Variants in ZMYND11 observed in about 807,000 individuals in gnomAD.
The protein encoded by ZMYND11 is zinc finger MYND-type containing 11, also known as zinc finger MYND domain-containing protein 11.
Under a neutral mutation model 84.9 loss-of-function variants are expected in ZMYND11, and 9 were observed. The observed-to-expected ratio is 0.11, with a 90% CI of 0.06 to 0.18. ZMYND11 has a LOEUF of 0.18. Ranked by LOEUF, ZMYND11 falls within the 10% of genes least tolerant of loss-of-function variation. The probability of loss-of-function intolerance (pLI) is 1.00; values close to 1 mark genes in which losing one functional copy is unlikely to be tolerated. For synonymous variants in ZMYND11, 250 were observed against 244.1 expected, an observed-to-expected ratio of 1.02 and a Z score of -0.23; for missense variants, 409 against 761.0, an observed-to-expected ratio of 0.54 and a Z score of 5.44.
chr10:229,548 G>A (rs991402231), intron 4 of ZMYND11, among the ~76,000 whole-genome samples: 3 of 152,172 alleles, frequency 2.0e-5, no homozygotes, highest in African/African-American at 7.2e-5. Context: ...AATGTGATTC[G>A]TTCCATAGGC....
At chr10:189,459 T>C (rs1939718140) in intron 2 of ZMYND11, among the ~76,000 whole-genome samples, 1 of 152,252 alleles carries the variant, frequency 6.6e-6, no homozygotes. Context: ...TTATACTGTT[T>C]ATGTAATCCC....
chr10:151,749 G>A (rs994252366), intron 1 of ZMYND11, among the ~76,000 whole-genome samples: 4 of 152,156 alleles, frequency 2.6e-5, no homozygotes, highest in Admixed American at 6.5e-5. Context: ...GAGCAACTCC[G>A]AGACACATAA....
chr10:214,940 A>G (rs1432042643), intron 3 of ZMYND11, among the ~76,000 whole-genome samples: 1 of 152,240 alleles, frequency 6.6e-6, no homozygotes, highest in Non-Finnish European at 1.5e-5. Context: ...AAGCAATAAG[A>G]TACTCACTAA....
intron 2 of ZMYND11, among the ~76,000 whole-genome samples, chr10:189,098 C>CTT (rs1939598023): frequency 6.6e-6 from 1 of 152,218 alleles, no homozygotes; most frequent in Non-Finnish European, 1.5e-5. Flanking sequence ...GCGTTGCTTA[C>CTT]TTTACGGTCA....
intron 2 of ZMYND11, among the ~76,000 whole-genome samples, chr10:196,897 C>T (rs1941882561): frequency 2.0e-5 from 3 of 152,184 alleles, no homozygotes; most frequent in Admixed American, 2.0e-4. Context: ...ATGCAACAGT[C>T]CAGGAAGCAC....
intron 2 of ZMYND11, among the ~76,000 whole-genome samples, chr10:202,771 T>C (rs937208021): frequency 6.6e-6 from 1 of 152,184 alleles, no homozygotes; most frequent in African/African-American, 2.4e-5. Flanking sequence ...GACCAGAATG[T>C]ATTGTTTTCA....
intron 1 of ZMYND11, among the ~76,000 whole-genome samples, chr10:153,638 T>C (rs1179383197): frequency 6.6e-6 from 1 of 152,232 alleles, no homozygotes; most frequent in Non-Finnish European, 1.5e-5. Flanking sequence ...GATTACATAC[T>C]TTATTATATT....
Position 240,960 on chromosome 10 carries a change from G to C in ZMYND11, c.821G>C (p.Cys274Ser). ...LSNARPDNWFCYPCIPNHELV... is the reference protein window; with the variant it reads ...LSNARPDNWFSYPCIPNHELV... ...AATGCTCGTCCTGACAACTGGTTCT[G>C]TTATCCTTGTGTATGTGAAATTTTT... The change falls in exon 9 of 15, where the codon TGT (cysteine) becomes TCT (serine). Residue 274 changes from cysteine (C) to serine (S), a missense_variant. Cys to Ser is a moderately radical substitution (Grantham distance 112, BLOSUM62 -1). Transcript: ENST00000381604. The C allele has an allele frequency of 6.2e-7, 1 of 1,613,624 alleles. No individual in the cohort carries two copies. The highest frequency in any genetic ancestry group is 8.5e-7 in the Non-Finnish European group (1 of 1,179,842).
At chr10:240,280 C>T (rs778182808) in intron 8 of ZMYND11, among the ~76,000 whole-genome samples, 169 bp downstream of exon 8, 5 of 152,196 alleles carry the variant, frequency 3.3e-5, no homozygotes, top group Middle Eastern at 3.4e-3. Flanking sequence ...CCAAGTTGGG[C>T]GGATCACGAG....
intron 2 of ZMYND11, among the ~76,000 whole-genome samples, chr10:190,031 A>G (rs1939911412): frequency 6.6e-6 from 1 of 152,222 alleles, no homozygotes; most frequent in Non-Finnish European, 1.5e-5. Flanking sequence ...TTAGACCAGC[A>G]GGGTCTTTAA....
At chr10:223,066 G>C (rs1947416847) in intron 4 of ZMYND11, among the ~76,000 whole-genome samples, 1 of 146,352 alleles carries the variant, frequency 6.8e-6, no homozygotes, top group Non-Finnish European at 1.5e-5. Flanking sequence ...GTCTCTCTCT[G>C]TCATCCAGGC....
intron 3 of ZMYND11, among the ~76,000 whole-genome samples, chr10:217,089 T>C (rs558567801): frequency 6.7e-6 from 1 of 149,642 alleles, no homozygotes; most frequent in East Asian, 2.0e-4. Flanking sequence ...AAATTGCTTT[T>C]GGATTATTGA....
At chr10:145,856 T>C (rs1010711112) in intron 1 of ZMYND11, among the ~76,000 whole-genome samples, 3 of 152,216 alleles carry the variant, frequency 2.0e-5, no homozygotes, top group Non-Finnish European at 4.4e-5. Flanking sequence ...TGATGATTAT[T>C]TTCTTTGCTG....
intron 2 of ZMYND11, among the ~76,000 whole-genome samples, chr10:198,242 T>C (rs1452372348): frequency 6.6e-6 from 1 of 152,194 alleles, no homozygotes; most frequent in African/African-American, 2.4e-5. Flanking sequence ...TTTGAAGGGG[T>C]ATCTAGGTCT....
chr10:212,032 A>G (rs1033572722), intron 3 of ZMYND11, among the ~76,000 whole-genome samples: 1 of 152,200 alleles, frequency 6.6e-6, no homozygotes, highest in East Asian at 1.9e-4. Context: ...CAAGATTTGT[A>G]TAGTAATTAA....
At chr10:235,104 A>G (rs1365482421) in intron 4 of ZMYND11, among the ~76,000 whole-genome samples, 1 of 152,198 alleles carries the variant, frequency 6.6e-6, no homozygotes, top group Non-Finnish European at 1.5e-5. Context: ...CACGTATTTC[A>G]AAACATCACA....
chr10:210,940 A>T (rs946518375), intron 3 of ZMYND11, among the ~76,000 whole-genome samples: 2 of 152,134 alleles, frequency 1.3e-5, no homozygotes, highest in Non-Finnish European at 2.9e-5. Flanking sequence ...AAGCAGGAGG[A>T]TCACTTGAGC....
chr10:175,126 AGG>A (rs1846309529), intron 1 of ZMYND11, among the ~76,000 whole-genome samples: 1 of 152,184 alleles, frequency 6.6e-6, no homozygotes, highest in East Asian at 1.9e-4. Flanking sequence ...ATGTCAGTGT[AGG>A]TTTGTTGATT....
At chr10:233,276 CAGA>C (rs1949329820) in intron 4 of ZMYND11, among the ~76,000 whole-genome samples, 5 of 152,298 alleles carry the variant, frequency 3.3e-5, no homozygotes, top group Middle Eastern at 3.4e-3. Flanking sequence ...GTTTGAAGAA[CAGA>C]CAAGGGCGTG....
Sources: allele counts gnomAD v4.1 joint callset (sites outside exome capture counted in the v4.1 genomes callset), GRCh38; gene constraint gnomAD v4.1.1; transcripts MANE v1.5; gene names NCBI Gene and HGNC (gene_info 2026-07-23, HGNC 2026-07-21).